The following AKAP6 variants were observed in gnomAD, a reference collection of about 807,000 sequenced individuals.
AKAP6 encodes the protein A-kinase anchor protein 6.
A neutral mutation model predicts 188.5 loss-of-function variants in AKAP6; 58 were observed. The ratio of observed to expected loss-of-function variants is 0.31; its 90% confidence interval spans 0.25 to 0.38. The LOEUF is 0.38. Ranked by LOEUF, AKAP6 falls within the 10% of genes least tolerant of loss-of-function variation. The pLI, the probability that AKAP6 is intolerant of heterozygous loss-of-function variation, is 1.00. For synonymous variants in AKAP6, 989 were observed against 998.6 expected, an observed-to-expected ratio of 0.99 and a Z score of 0.18; for missense variants, 2,710 against 2,740.0, an observed-to-expected ratio of 0.99 and a Z score of 0.24.
At chr14:32,586,714 T>G (rs1885266948) in intron 5 of AKAP6, among the ~76,000 whole-genome samples, 1 of 152,254 alleles carries the variant, frequency 6.6e-6, no homozygotes, top group Admixed American at 6.5e-5. Flanking sequence ...AAATATAGAA[T>G]GACTTCATCC....
intron 1 of AKAP6, among the ~76,000 whole-genome samples, chr14:32,391,848 A>C (rs958883211): frequency 1.3e-5 from 2 of 152,176 alleles, no homozygotes; most frequent in East Asian, 3.8e-4. Context: ...TTTTCTTTAT[A>C]TATTACCCAG....
intron 1 of AKAP6, among the ~76,000 whole-genome samples, chr14:32,371,837 T>C (rs923504591): frequency 2.0e-5 from 3 of 151,610 alleles, no homozygotes; most frequent in African/African-American, 7.3e-5. Flanking sequence ...TGGGGTGGAG[T>C]GGAAGCTCCT....
rs146380504 is a variant in AKAP6, at chr14:32,650,415, C to G, written c.2731-27896C>G. Among the ~76,000 whole-genome samples, 109 of 152,122 alleles carry G rather than the reference C, an allele frequency of 7.2e-4. 1 individual carries two copies. The highest frequency in any genetic ancestry group is 1.2e-3 in the Non-Finnish European group (80 of 67,992). On this transcript the variant is annotated intron_variant, in intron 7 of 13. Transcript: ENST00000280979. Reference sequence around the variant, plus strand: ...ATTGCTTGAGGCCAGGAGTTCAATACCAGCCTGACCAACACGGTGAAACTC... The same window carrying G: ...ATTGCTTGAGGCCAGGAGTTCAATAGCAGCCTGACCAACACGGTGAAACTC...
chr14:32,660,928 CCCCCCCT>C, intron 7 of AKAP6, among the ~76,000 whole-genome samples: 2 of 89,806 alleles, frequency 2.2e-5, no homozygotes, highest in African/African-American at 5.3e-5. Context: ...CCCGCCACCC[CCCCCCCT>C]CCCAATTCCA....
intron 1 of AKAP6, among the ~76,000 whole-genome samples, chr14:32,396,433 C>G (rs919083992): frequency 5.3e-5 from 8 of 152,178 alleles, no homozygotes; most frequent in African/African-American, 1.9e-4. Flanking sequence ...CTTTTGCCAT[C>G]TACCCCATTT....
intron 1 of AKAP6, among the ~76,000 whole-genome samples, chr14:32,355,421 G>A (rs1033690243): frequency 7.6e-6 from 1 of 131,628 alleles, no homozygotes; most frequent in Non-Finnish European, 1.6e-5. Flanking sequence ...TCTTGGTCTT[G>A]TTCTCATCCC....
rs1399313223 is a variant in AKAP6 at position 32,829,844 on chromosome 14, G to A, written c.*43-4G>A. ...TTTTCTTGTCACTTTTTTGTTTCTT[G>A]TAGATACGCCTGGCTGCAACTCAGG... On this transcript the variant is annotated splice_polypyrimidine_tract_variant and splice_region_variant and intron_variant, in intron 13 of 13. Transcript: ENST00000280979. 2.9e-6 allele frequency: 2 copies of A among 690,022 alleles called. No homozygotes were observed. Among genetic ancestry groups the A allele is most frequent in the Non-Finnish European group, 5.3e-6 (2 of 380,430 alleles). The allele number at this position is 690,022 out of a possible 1,614,324, so 42.7% of individuals were successfully genotyped here.
At chr14:32,622,086 A>G (rs1886836647) in intron 7 of AKAP6, among the ~76,000 whole-genome samples, 1 of 152,136 alleles carries the variant, frequency 6.6e-6, no homozygotes, top group Non-Finnish European at 1.5e-5. Context: ...AATTTCATTA[A>G]TTTTAATAAA....
At chr14:32,812,765 A>G (rs1313730054) in intron 12 of AKAP6, among the ~76,000 whole-genome samples, 1 of 152,198 alleles carries the variant, frequency 6.6e-6, no homozygotes, top group Non-Finnish European at 1.5e-5. Context: ...CTATAATACT[A>G]TCAACACTGA....
chr14:32,779,352 A>G lies in AKAP6; in HGVS notation c.3588+5459A>G, dbSNP rs1267221988. Among the ~76,000 whole-genome samples the G allele has an allele frequency of 2.7e-5, 4 of 150,276 alleles. No individual in the cohort carries two copies. In the Admixed American group the frequency reaches 2.7e-4, roughly 10 times the overall value. Reference sequence around the variant, plus strand: ...TTGAGCCCAGGAGGTTGAGGCTACCATGAACAGTGTTTGTGCCCCTGTACC... The same window carrying G: ...TTGAGCCCAGGAGGTTGAGGCTACCGTGAACAGTGTTTGTGCCCCTGTACC... On this transcript the variant is annotated intron_variant, in intron 12 of 13. Transcript: ENST00000280979.
chr14:32,618,732 G>A (rs1886690363), intron 7 of AKAP6, among the ~76,000 whole-genome samples: 1 of 152,108 alleles, frequency 6.6e-6, no homozygotes, highest in South Asian at 2.1e-4. Flanking sequence ...TTGCTGGATC[G>A]AATGATAGAT....
intron 12 of AKAP6, among the ~76,000 whole-genome samples, chr14:32,813,401 A>ACCG (rs1491546093): frequency 1.3e-5 from 1 of 77,314 alleles, no homozygotes; most frequent in Non-Finnish European, 2.6e-5. Context: ...CCCCCCCCCC[A>ACCG]ACCCCTTTCC....
chr14:32,361,858 G>A (rs1010237800), intron 1 of AKAP6, among the ~76,000 whole-genome samples: 3 of 151,926 alleles, frequency 2.0e-5, no homozygotes, highest in African/African-American at 7.3e-5. Flanking sequence ...CTCCCCTCCT[G>A]TTGTGCAGGC....
intron 2 of AKAP6, among the ~76,000 whole-genome samples, chr14:32,443,417 A>AC (rs1566505748): frequency 1.3e-4 from 19 of 151,426 alleles, no homozygotes; most frequent in Admixed American, 2.6e-4. Flanking sequence ...CAAAAAAAAA[A>AC]CAAAAAAACA....
intron 9 of AKAP6, among the ~76,000 whole-genome samples, chr14:32,722,932 A>T (rs1309765867): frequency 6.6e-6 from 1 of 152,164 alleles, no homozygotes; most frequent in Non-Finnish European, 1.5e-5. Context: ...GCAAATGCTA[A>T]AAGAACATTG....
chr14:32,775,529 C>A (rs1048779275), intron 12 of AKAP6, among the ~76,000 whole-genome samples: 4 of 151,514 alleles, frequency 2.6e-5, no homozygotes, highest in African/African-American at 9.7e-5. Flanking sequence ...AACTCCTGGG[C>A]TCAAGTGATC....
intron 7 of AKAP6, 129 bp from the exon 8 acceptor site, chr14:32,678,182 C>A: frequency 1.1e-6 from 1 of 911,272 alleles, no homozygotes; most frequent in Non-Finnish European, 1.6e-6. Flanking sequence ...CAACTGATCC[C>A]ATTAAATCCA....
chr14:32,822,255 C>G lies in AKAP6; in HGVS notation c.4442C>G (p.Pro1481Arg). 2 of 1,613,800 alleles carry G rather than the reference C, an allele frequency of 1.2e-6. No individual in the cohort carries two copies. Among genetic ancestry groups the G allele is most frequent in the South Asian group, 2.2e-5 (2 of 91,062 alleles). The change falls in exon 13 of 14, where the codon CCA becomes CGA. Residue 1481 changes from proline (P) to arginine (R), a missense_variant. Around this residue, in one of 2 missense-constraint regions of AKAP6, gnomAD observed 2,473 missense variants for 2,426.1 expected, o/e 1.02. Coordinates refer to ENST00000280979, the MANE Select transcript of AKAP6 (RefSeq NM_004274.5). ...CTCCAAGGCTCAAAACTCAAATTAC[C>G]AATGATAATGAAACAGTCACAAAGC... Reference protein sequence around the residue: ...SYLQGSKLKLPMIMKQSQSEK... With the variant: ...SYLQGSKLKLRMIMKQSQSEK...
chr14:32,824,005 T>C lies in AKAP6; in HGVS notation c.6192T>C (p.Ile2064=). 1 of 1,613,930 alleles carries C rather than the reference T, an allele frequency of 6.2e-7. No individual in the cohort carries two copies. The highest frequency in any genetic ancestry group is 8.5e-7 in the Non-Finnish European group (1 of 1,179,926). Residue 2064 remains isoleucine, a synonymous_variant, in exon 13 of 14, where the codon ATT becomes ATC. Transcript: ENST00000280979. Reference sequence around the variant, plus strand: ...TACACAACTTTGTTAAGGAAATCATTGACATGGCTTCGACAGCCCTAAAAA... The same window carrying C: ...TACACAACTTTGTTAAGGAAATCATCGACATGGCTTCGACAGCCCTAAAAA... ...CSVHNFVKEI[I]DMASTALKSK...
Sources: gnomAD v4.1 joint callset for allele counts (sites outside exome capture counted in the v4.1 genomes callset) on GRCh38, gnomAD v4.1.1 for gene constraint, gnomAD v4.1.1 regional missense constraint, MANE v1.5 for transcripts, NCBI Gene and HGNC (gene_info 2026-07-23, HGNC 2026-07-21) for gene names.